The following PARD3 variants were observed in gnomAD, a reference collection of about 807,000 sequenced individuals.
PARD3 encodes the protein par-3 family cell polarity regulator.
In PARD3, 75 loss-of-function variants were observed where a neutral mutation model predicts 155.4. That is an observed-to-expected ratio of 0.48 (90% CI 0.40 to 0.58). The LOEUF is 0.58. Ranked by LOEUF, PARD3 falls within the 20% of genes least tolerant of loss-of-function variation. The pLI, the probability that PARD3 is intolerant of heterozygous loss-of-function variation, is 0.00. For synonymous variants in PARD3, 576 were observed against 610.5 expected (o/e 0.94, Z 0.83); for missense variants, 1,642 against 1,721.7 (o/e 0.95, Z 0.82).
chr10:34,141,888 G>C (rs1392087150), intron 22 of PARD3, among the ~76,000 whole-genome samples: 1 of 152,140 alleles, frequency 6.6e-6, no homozygotes, highest in Non-Finnish European at 1.5e-5. Context: ...CAAAAGGACA[G>C]CTGAATCTAT....
intron 2 of PARD3, among the ~76,000 whole-genome samples, chr10:34,520,452 T>A (rs2082076755): frequency 6.6e-6 from 1 of 152,096 alleles, no homozygotes; most frequent in Non-Finnish European, 1.5e-5. Context: ...AAGGGAAAGG[T>A]ATGCATACGT....
chr10:34,666,156 GC>G (rs1164631438), intron 2 of PARD3, among the ~76,000 whole-genome samples: 1 of 151,194 alleles, frequency 6.6e-6, no homozygotes, highest in Non-Finnish European at 1.5e-5. Context: ...AGCCCAGGAA[GC>G]TGCAGTAAGC....
chr10:34,188,832 T>C (rs1280626657), intron 22 of PARD3, among the ~76,000 whole-genome samples: 1 of 151,720 alleles, frequency 6.6e-6, no homozygotes, highest in Admixed American at 6.6e-5. Context: ...CTTGCCACCA[T>C]GGTCATTCCA....
Position 34,796,981 on chromosome 10 carries a change from T to C in PARD3, c.120+17895A>G, listed in dbSNP as rs1842332306. On this transcript the variant is annotated intron_variant, in intron 1 of 24. Coordinates refer to ENST00000374788, the MANE Select transcript of PARD3 (RefSeq NM_001184785.2). ...GCCTGGATGGCAGGGCGAGATTCCA[T>C]CTCAAAAAAAATAAAATAAATGAAA... Among the ~76,000 whole-genome samples the C allele has an allele frequency of 2.0e-5, 3 of 152,028 alleles. No homozygotes were observed. The South Asian group carries it at 6.2e-4, about 32-fold the overall frequency.
chr10:34,216,807 A>G (rs1217070963), intron 22 of PARD3, among the ~76,000 whole-genome samples: 1 of 152,224 alleles, frequency 6.6e-6, no homozygotes, highest in Non-Finnish European at 1.5e-5. Flanking sequence ...TGTGAAAACT[A>G]TAATGGTGAT....
intron 22 of PARD3, among the ~76,000 whole-genome samples, chr10:34,228,961 T>C (rs1478544995): frequency 2.6e-5 from 4 of 152,056 alleles, no homozygotes; most frequent in African/African-American, 9.7e-5. Context: ...CTTTCCTCTT[T>C]ATATCCAAGT....
chr10:34,769,112 C>T (rs561029345), intron 1 of PARD3, among the ~76,000 whole-genome samples: 1 of 152,336 alleles, frequency 6.6e-6, no homozygotes, highest in African/African-American at 2.4e-5. Context: ...CTTCACCCTC[C>T]ACATAAACAA....
At chr10:34,749,096 T>C (rs955101282) in intron 1 of PARD3, among the ~76,000 whole-genome samples, 3 of 152,250 alleles carry the variant, frequency 2.0e-5, no homozygotes, top group Admixed American at 6.5e-5. Flanking sequence ...CAAATTCTAG[T>C]CCTATTCTCT....
intron 1 of PARD3, among the ~76,000 whole-genome samples, chr10:34,734,431 G>T (rs573186957): frequency 8.3e-4 from 114 of 137,896 alleles, no homozygotes; most frequent in African/African-American, 2.9e-3. Flanking sequence ...CGCCTCCTGG[G>T]TTCACGCCAT....
chr10:34,275,570 T>C (rs1461216521), intron 21 of PARD3, among the ~76,000 whole-genome samples: 1 of 152,230 alleles, frequency 6.6e-6, no homozygotes, highest in Non-Finnish European at 1.5e-5. Context: ...TTATATTCTT[T>C]GATATTTGAA....
At chr10:34,544,225 T>C (rs754694642) in intron 2 of PARD3, among the ~76,000 whole-genome samples, 24 of 152,196 alleles carry the variant, frequency 1.6e-4, no homozygotes, top group Non-Finnish European at 2.2e-4. Context: ...GAAACATAAG[T>C]AGTGTCCACA....
rs140202923 is a variant in PARD3 at position 34,432,844 on chromosome 10, A to G, written c.714+17473T>C. On this transcript the variant is annotated intron_variant, in intron 5 of 24. Transcript: ENST00000374788. Reference sequence around the variant, plus strand: ...GTAACATAAAAGTTCACCAAGGAAGAGCATGTAAAAACCCATCCAGAGAAA... The same window carrying G: ...GTAACATAAAAGTTCACCAAGGAAGGGCATGTAAAAACCCATCCAGAGAAA... Among the ~76,000 whole-genome samples, 18 of 152,338 alleles carry G rather than the reference A, an allele frequency of 1.2e-4. No individual in the cohort carries two copies. In the East Asian group the frequency reaches 3.3e-3, roughly 28 times the overall value.
At chr10:34,328,441 C>T (rs1028199494) in intron 19 of PARD3, among the ~76,000 whole-genome samples, 12 of 152,126 alleles carry the variant, frequency 7.9e-5, no homozygotes, top group African/African-American at 2.9e-4. Context: ...CCATCTAAAC[C>T]ATCTAAGCCA....
At chr10:34,517,569 G>A (rs1256675131) in intron 2 of PARD3, among the ~76,000 whole-genome samples, 1 of 152,054 alleles carries the variant, frequency 6.6e-6, no homozygotes, top group East Asian at 1.9e-4. Flanking sequence ...ACATAAAAAG[G>A]GGATATTAAA....
chr10:34,541,312 G>C (rs1322340808), intron 2 of PARD3, among the ~76,000 whole-genome samples: 4 of 152,130 alleles, frequency 2.6e-5, no homozygotes, highest in African/African-American at 7.2e-5. Context: ...TAAGAACTGA[G>C]AACTATAAAT....
At chr10:34,592,984 G>A (rs1196808843) in intron 2 of PARD3, among the ~76,000 whole-genome samples, 1 of 152,100 alleles carries the variant, frequency 6.6e-6, no homozygotes, top group African/African-American at 2.4e-5. Context: ...CTTCTCAGAC[G>A]CTACACATGC....
At chr10:34,535,470 A>C (rs2083158187) in intron 2 of PARD3, among the ~76,000 whole-genome samples, 1 of 152,108 alleles carries the variant, frequency 6.6e-6, no homozygotes, top group Non-Finnish European at 1.5e-5. Flanking sequence ...GAGCAATATT[A>C]AAGTAAGATA....
chr10:34,749,678 TCTTGGATAGTCAGAAGTAA>T (rs1835746080), intron 1 of PARD3, among the ~76,000 whole-genome samples: 1 of 152,058 alleles, frequency 6.6e-6, no homozygotes, highest in Non-Finnish European at 1.5e-5. Context: ...TATATGGACT[TCTTGGATAGTCAGAAGTAA>T]CTACTTGAAA....
rs1564405040 is a variant in PARD3, at chr10:34,605,543, A to ATCTCC, written c.223-88385_223-88384insGGAGA. Among the ~76,000 whole-genome samples the ATCTCC allele has an allele frequency of 1.9e-4, 11 of 57,328 alleles. 2 individuals carry two copies. The highest frequency in any genetic ancestry group is 5.1e-4 in the South Asian group (1 of 1,954). The allele number at this position is 57,328 out of a possible 152,430, so 37.6% of individuals were successfully genotyped here. On this transcript the variant is annotated intron_variant, in intron 2 of 24. Coordinates refer to ENST00000374788, the MANE Select transcript of PARD3 (RefSeq NM_001184785.2). ...TATCTCCTATATATATCTCCTATAT[A>ATCTCC]TATATATATATATCTCCTATATATA...
Sources: allele counts gnomAD v4.1 joint callset (sites outside exome capture counted in the v4.1 genomes callset), GRCh38; gene constraint gnomAD v4.1.1; transcripts MANE v1.5; gene names NCBI Gene and HGNC (gene_info 2026-07-23, HGNC 2026-07-21).